SHPRH: variants seen among roughly 807,000 people sequenced by gnomAD.
SHPRH encodes the protein E3 ubiquitin-protein ligase SHPRH.
Under a neutral mutation model 202.5 loss-of-function variants are expected in SHPRH, and 106 were observed. The observed-to-expected ratio is 0.52, with a 90% CI of 0.45 to 0.62. The LOEUF is 0.62. Among genes scored for constraint, SHPRH ranks in the 20% least tolerant of loss-of-function variants. The pLI is 0.00. For synonymous variants in SHPRH, 729 were observed against 686.0 expected (o/e 1.06, Z -0.98); for missense variants, 1,710 against 2,020.0 (o/e 0.85, Z 2.94).
intron 2 of SHPRH, among the ~76,000 whole-genome samples, chr6:145,870,449 A>G (rs1780008552): frequency 6.6e-6 from 1 of 151,806 alleles, no homozygotes; most frequent in African/African-American, 2.4e-5. Flanking sequence ...TTTTTAGTAG[A>G]GATGAGGTTT....
chr6:145,897,350 A>T (rs960060799), intron 25 of SHPRH, among the ~76,000 whole-genome samples: 2 of 152,050 alleles, frequency 1.3e-5, no homozygotes, highest in African/African-American at 4.8e-5. Flanking sequence ...AGAAACAGAA[A>T]ATCTGAAAAG....
chr6:145,900,291 T>C (rs566030653), intron 25 of SHPRH, among the ~76,000 whole-genome samples: 32 of 152,178 alleles, frequency 2.1e-4, no homozygotes, highest in African/African-American at 7.7e-4. Flanking sequence ...TAAAACAGGT[T>C]ATATATACAC....
At chr6:145,960,754 A>G (rs1360141629) in intron 1 of SHPRH, among the ~76,000 whole-genome samples, 2 of 152,206 alleles carry the variant, frequency 1.3e-5, no homozygotes, top group South Asian at 4.1e-4. Flanking sequence ...CCTGTATTCC[A>G]TAAATGGTAG....
At chr6:145,929,477 ACTGT>A (rs903955511) in intron 14 of SHPRH, among the ~76,000 whole-genome samples, 10 of 152,028 alleles carry the variant, frequency 6.6e-5, no homozygotes, top group African/African-American at 1.4e-4. Flanking sequence ...TCAGACCTTC[ACTGT>A]CTGATCTTCA....
intron 26 of SHPRH, 63 bp from the exon 27 acceptor site, chr6:145,894,299 G>C: frequency 1.6e-6 from 2 of 1,246,640 alleles, no homozygotes; most frequent in East Asian, 2.7e-5. Flanking sequence ...AAGGGTATCT[G>C]AAAAGGAAAT....
At chr6:145,963,321 TTTATC>T (rs1310591552) in intron 1 of SHPRH, among the ~76,000 whole-genome samples, 3 of 152,174 alleles carry the variant, frequency 2.0e-5, no homozygotes, top group African/African-American at 7.2e-5. Context: ...CAGTAATAAC[TTTATC>T]TTATTTTGTT....
In SHPRH at chr6:145,964,335, G is replaced by C. The variant is rs932800900; in HGVS notation, c.-637C>G. 1.3e-5 allele frequency: 2 copies of C among 152,254 alleles called. No homozygotes were observed. The highest frequency in any genetic ancestry group is 2.9e-5 in the Non-Finnish European group (2 of 68,096). 9.4% of individuals were successfully genotyped at this position (152,254 alleles called of 1,614,324 possible). ...GGAGACCCAGAAACCACAGCGCCTA[G>C]CTGCCGGGCGCGCGCTGTAGCGTGG... On this transcript the variant is annotated 5_prime_UTR_variant, in exon 1 of 30. Coordinates refer to ENST00000275233, the MANE Select transcript of SHPRH (RefSeq NM_001042683.3).
intron 14 of SHPRH, among the ~76,000 whole-genome samples, chr6:145,932,526 G>A (rs1381745968): frequency 6.6e-6 from 1 of 151,752 alleles, no homozygotes; most frequent in Non-Finnish European, 1.5e-5. Flanking sequence ...TGTGTGGGAG[G>A]GTGTGTGTGT....
intron 11 of SHPRH, among the ~76,000 whole-genome samples, chr6:145,938,132 T>C (rs1247412727): frequency 6.6e-6 from 1 of 152,220 alleles, no homozygotes; most frequent in African/African-American, 2.4e-5. Flanking sequence ...CAGTGAATAA[T>C]ATTAGGAGGT....
At chr6:145,902,832 T>G (rs953744689) in intron 25 of SHPRH, among the ~76,000 whole-genome samples, 1 of 152,094 alleles carries the variant, frequency 6.6e-6, no homozygotes, top group African/African-American at 2.4e-5. Flanking sequence ...TACAAAATAG[T>G]GAATAAAACA....
Position 145,927,170 on chromosome 6 carries a change from C to T in SHPRH, c.3201+19G>A, listed in dbSNP as rs759150185. On this transcript the variant is annotated intron_variant, in intron 15 of 29. Transcript: ENST00000275233. Reference sequence around the variant, plus strand: ...AAAAACAAACAGAATACCTATGAAACTGTTTAGTCTTTACTTACTTGAAGT... The same window carrying T: ...AAAAACAAACAGAATACCTATGAAATTGTTTAGTCTTTACTTACTTGAAGT... 3.7e-6 allele frequency: 6 copies of T among 1,604,146 alleles called. No individual in the cohort carries two copies. Among genetic ancestry groups the T allele is most frequent in the Non-Finnish European group, 4.3e-6 (5 of 1,172,596 alleles).
chr6:145,927,343 T>C, intron 14 of SHPRH, 66 bp from the exon 15 acceptor site: 1 of 1,346,882 alleles, frequency 7.4e-7, no homozygotes, highest in Admixed American at 1.8e-5. Context: ...GTCATCTAGT[T>C]GTCCATTATT....
chr6:145,924,946 C>A, intron 16 of SHPRH, 100 bp from the exon 17 acceptor site: 1 of 841,300 alleles, frequency 1.2e-6, no homozygotes, highest in Admixed American at 2.5e-5. Flanking sequence ...TTTAAAGCTA[C>A]TTAACTGCAT....
intron 22 of SHPRH, 81 bp downstream of exon 22, chr6:145,919,267 T>A: frequency 6.4e-7 from 1 of 1,561,380 alleles, no homozygotes; most frequent in Non-Finnish European, 8.7e-7. Flanking sequence ...CTCAGTGCCC[T>A]GATTCTGCCT....
Position 145,940,785 on chromosome 6 carries a change from T to C in SHPRH, c.2507A>G (p.Gln836Arg). The C allele has an allele frequency of 6.2e-7, 1 of 1,613,734 alleles. No individual in the cohort carries two copies. Among genetic ancestry groups the C allele is most frequent in the Non-Finnish European group, 8.5e-7 (1 of 1,179,820 alleles). ...CPTVKAAEMA[Q>R]RLSGINRWCI... ...CCATCGATTAATCCCACTCAAACGCTGGGCCATTTCTGCAGCCTGATGAGA... is the reference window on the plus strand; with the variant it reads ...CCATCGATTAATCCCACTCAAACGCCGGGCCATTTCTGCAGCCTGATGAGA... The change falls in exon 11 of 30, where the codon CAG (glutamine) becomes CGG (arginine). Residue 836 changes from glutamine (Q) to arginine (R), a missense_variant. Physicochemically the swap from Gln to Arg is conservative, Grantham distance 43 (BLOSUM62 1). Transcript: ENST00000275233.
In SHPRH at chr6:145,943,446, A is replaced by G. The variant is rs1235759816; in HGVS notation, c.1935T>C (p.Pro645=). 1 of 1,613,916 alleles carries G rather than the reference A, an allele frequency of 6.2e-7. No homozygotes were observed. Among genetic ancestry groups the G allele is most frequent in the Non-Finnish European group, 8.5e-7 (1 of 1,179,956 alleles). The change falls in exon 9 of 30, where the codon CCT becomes CCC. Residue 645 remains proline, a synonymous_variant. Coordinates refer to ENST00000275233, the MANE Select transcript of SHPRH (RefSeq NM_001042683.3). ...SLNHADSDVP[P]SNTMSPFNTS... is the part of the protein sequence containing the mutation. ...TGTTAAAGGGACTCATGGTATTAGA[A>G]GGTGGTACATCACTATCAGCATGAT...
intron 7 of SHPRH, 34 bp downstream of exon 7, chr6:145,946,199 A>G: frequency 6.7e-7 from 1 of 1,503,174 alleles, no homozygotes; most frequent in Non-Finnish European, 9.2e-7. Context: ...GATCACTATA[A>G]GAAGGTATTT....
intron 8 of SHPRH, among the ~76,000 whole-genome samples, chr6:145,944,571 G>C (rs1787163455): frequency 6.6e-6 from 1 of 151,836 alleles, no homozygotes. Flanking sequence ...TAGTTTTGGT[G>C]GTAGCAGGAT....
downstream of SHPRH, among the ~76,000 whole-genome samples, chr6:145,879,837 G>A (rs796937877): frequency 6.7e-6 from 1 of 149,938 alleles, no homozygotes; most frequent in Non-Finnish European, 1.5e-5. Context: ...GCTGGAACCC[G>A]GGAGTAGGAG....
Sources: allele counts gnomAD v4.1 joint callset (sites outside exome capture counted in the v4.1 genomes callset), GRCh38; gene constraint gnomAD v4.1.1; transcripts MANE v1.5; gene names NCBI Gene and HGNC (gene_info 2026-07-23, HGNC 2026-07-21).